The following AKAP13 variants were observed in gnomAD, a reference collection of about 807,000 sequenced individuals.
The protein encoded by AKAP13 is A-kinase anchoring protein 13, also known as A-kinase anchor protein 13.
In AKAP13, 80 loss-of-function variants were observed where a neutral mutation model predicts 264.5. That is an observed-to-expected ratio of 0.30 (90% CI 0.25 to 0.36). The LOEUF (loss-of-function observed/expected upper bound fraction) is 0.36. Among genes scored for constraint, AKAP13 ranks in the 10% least tolerant of loss-of-function variants. The pLI is 1.00. For synonymous variants in AKAP13, 1,380 were observed against 1,250.2 expected, an observed-to-expected ratio of 1.10 and a Z score of -2.19; for missense variants, 3,712 against 3,435.2, an observed-to-expected ratio of 1.08 and a Z score of -2.01.
chr15:85,574,085 G>C (rs1343675374), intron 5 of AKAP13, among the ~76,000 whole-genome samples: 1 of 152,184 alleles, frequency 6.6e-6, no homozygotes, highest in Non-Finnish European at 1.5e-5. Flanking sequence ...CTCTAACTCT[G>C]TATACCACAC....
chr15:85,744,211 G>A (rs999784012), intron 36 of AKAP13: 13 of 296,422 alleles, frequency 4.4e-5, no homozygotes, highest in Non-Finnish European at 6.3e-5. Context: ...CTAACCCCAA[G>A]AGAAGTGAGG....
chr15:85,434,010 C>A (rs548234473), intron 1 of AKAP13, among the ~76,000 whole-genome samples: 11 of 151,946 alleles, frequency 7.2e-5, no homozygotes, highest in Non-Finnish European at 1.6e-4. Context: ...GTCTACAGCT[C>A]CCAGCGTGAG....
At chr15:85,438,702 A>G (rs2073459122) in intron 1 of AKAP13, among the ~76,000 whole-genome samples, 1 of 151,288 alleles carries the variant, frequency 6.6e-6, no homozygotes, top group African/African-American at 2.4e-5. Flanking sequence ...AACCTGAGAA[A>G]AACAAGCAAT....
intron 8 of AKAP13, among the ~76,000 whole-genome samples, chr15:85,614,770 G>A (rs2080862597): frequency 6.6e-6 from 1 of 152,142 alleles, no homozygotes; most frequent in East Asian, 1.9e-4. Context: ...TTATATAACT[G>A]ACTTAAATTC....
chr15:85,722,978 G>GAA, intron 25 of AKAP13, 94 bp from the exon 26 acceptor site: 1 of 1,497,384 alleles, frequency 6.7e-7, no homozygotes, highest in South Asian at 1.3e-5. Flanking sequence ...GTCACAAAGG[G>GAA]AAAAGATGAT....
At chr15:85,741,727 AAC>A (rs547722261) in intron 35 of AKAP13, among the ~76,000 whole-genome samples, 8,000 of 81,176 alleles carry the variant, frequency 0.099, 197 homozygotes, top group Admixed American at 0.19. Context: ...CAAACAAACA[AAC>A]AAAAAAAAAA....
intron 4 of AKAP13, among the ~76,000 whole-genome samples, chr15:85,542,668 G>A (rs983379431): frequency 6.6e-6 from 1 of 152,166 alleles, no homozygotes; most frequent in Non-Finnish European, 1.5e-5. Flanking sequence ...GCCTTGTGGG[G>A]CTATATGTGG....
At chr15:85,516,852 C>T (rs1339876996) in intron 2 of AKAP13, among the ~76,000 whole-genome samples, 1 of 152,182 alleles carries the variant, frequency 6.6e-6, no homozygotes, top group Non-Finnish European at 1.5e-5. Context: ...AGCAGGACAC[C>T]ATTATGTGGA....
intron 1 of AKAP13, among the ~76,000 whole-genome samples, chr15:85,427,177 G>A (rs1007356608): frequency 6.6e-6 from 1 of 151,868 alleles, no homozygotes; most frequent in South Asian, 2.1e-4. Context: ...GGACGGTCTC[G>A]ATCTCATGTC....
At chr15:85,737,779 A>C (rs957838033) in intron 33 of AKAP13, among the ~76,000 whole-genome samples, 1 of 152,108 alleles carries the variant, frequency 6.6e-6, no homozygotes, top group Non-Finnish European at 1.5e-5. Flanking sequence ...CTGGGACTAC[A>C]GGCCCGCACT....
chr15:85,686,840 A>G (rs1293749056), intron 16 of AKAP13, among the ~76,000 whole-genome samples: 4 of 152,256 alleles, frequency 2.6e-5, no homozygotes, highest in Non-Finnish European at 4.4e-5. Flanking sequence ...ACAGGCACCT[A>G]AGAGAACTAA....
chr15:85,736,338 T>G (rs1195357073), intron 33 of AKAP13, among the ~76,000 whole-genome samples: 1 of 152,234 alleles, frequency 6.6e-6, no homozygotes, highest in Non-Finnish European at 1.5e-5. Flanking sequence ...TCTTGGAATT[T>G]TGCCAGTTAG....
chr15:85,403,200 T>C (rs946915440), intron 1 of AKAP13, among the ~76,000 whole-genome samples: 1 of 152,192 alleles, frequency 6.6e-6, no homozygotes, highest in African/African-American at 2.4e-5. Context: ...ATAATAGATA[T>C]GAAAAAAATC....
chr15:85,542,379 A>G (rs1317086227), intron 4 of AKAP13, among the ~76,000 whole-genome samples: 1 of 152,216 alleles, frequency 6.6e-6, no homozygotes, highest in Non-Finnish European at 1.5e-5. Context: ...TACCTTGGAA[A>G]TAGGGATACC....
intron 1 of AKAP13, among the ~76,000 whole-genome samples, chr15:85,393,262 G>C (rs2070953711): frequency 6.6e-6 from 1 of 152,258 alleles, no homozygotes; most frequent in Non-Finnish European, 1.5e-5. Flanking sequence ...GCTCAGAATA[G>C]AAAGGAACTA....
intron 1 of AKAP13, among the ~76,000 whole-genome samples, chr15:85,383,303 G>C (rs1447495276): frequency 2.6e-5 from 4 of 152,070 alleles, no homozygotes; most frequent in African/African-American, 7.2e-5. Flanking sequence ...GAACTAGGTA[G>C]CGTTCAGATC....
intron 13 of AKAP13, among the ~76,000 whole-genome samples, chr15:85,665,743 T>C (rs1424350131): frequency 6.6e-6 from 1 of 152,178 alleles, no homozygotes; most frequent in East Asian, 1.9e-4. Context: ...GTGTTCTCAT[T>C]GTTCAGTTCC....
intron 36 of AKAP13, 48 bp downstream of exon 36, chr15:85,743,873 T>C: frequency 1.3e-6 from 2 of 1,549,434 alleles, no homozygotes; most frequent in Non-Finnish European, 1.7e-6. Context: ...GTCTGTGCAT[T>C]CTGAGAGAGG....
intron 1 of AKAP13, chr15:85,415,380 C>G (rs2072192977): frequency 6.3e-7 from 1 of 1,599,418 alleles, no homozygotes; most frequent in Non-Finnish European, 8.6e-7. Flanking sequence ...TGGCAAAAAC[C>G]TCACCATAAA....
Sources: gnomAD v4.1 joint callset for allele counts (sites outside exome capture counted in the v4.1 genomes callset) on GRCh38, gnomAD v4.1.1 for gene constraint, MANE v1.5 for transcripts, NCBI Gene and HGNC (gene_info 2026-07-23, HGNC 2026-07-21) for gene names.